Variants in SSUH2 observed in about 807,000 individuals in gnomAD.
The protein encoded by SSUH2 is protein SSUH2 homolog.
SSUH2 carries 47 observed loss-of-function variants against 55.3 expected under a neutral mutation model. That is an observed-to-expected ratio of 0.85 (90% CI 0.67 to 1.08). The LOEUF (loss-of-function observed/expected upper bound fraction) is 1.08. Ranked by LOEUF, SSUH2 falls within the 50% of genes least tolerant of loss-of-function variation. SSUH2 has a pLI of 0.00. For synonymous variants in SSUH2, 212 were observed against 191.5 expected (o/e 1.11, Z -0.89); for missense variants, 535 against 490.7 (o/e 1.09, Z -0.85).
upstream of SSUH2, among the ~76,000 whole-genome samples, chr3:8,648,460 G>A (rs906129465): frequency 1.8e-4 from 28 of 152,144 alleles, no homozygotes; most frequent in African/African-American, 6.5e-4. Flanking sequence ...TACGATGCCC[G>A]CAGGCCAGAG....
intron 7 of SSUH2, among the ~76,000 whole-genome samples, chr3:8,651,286 G>A (rs185250825): frequency 2.8e-4 from 43 of 152,270 alleles, no homozygotes; most frequent in African/African-American, 9.1e-4. Flanking sequence ...TGCATCTCTC[G>A]GCTATCTCAG....
intron 7 of SSUH2, among the ~76,000 whole-genome samples, chr3:8,650,955 C>T (rs1197720209): frequency 6.6e-6 from 1 of 152,202 alleles, no homozygotes; most frequent in Non-Finnish European, 1.5e-5. Flanking sequence ...TCCTGGCAGG[C>T]AAGGAGAACA....
At chr3:8,625,460 C>CA (rs1185872475) in intron 10 of SSUH2, 82 bp downstream of exon 10, 1 of 822,906 alleles carries the variant, frequency 1.2e-6, no homozygotes, top group African/African-American at 1.7e-5. Flanking sequence ...ATGCAGCCTG[C>CA]ACACACAGCT....
chr3:8,674,577 G>C (rs1400095477), intron 3 of SSUH2, among the ~76,000 whole-genome samples: 3 of 152,142 alleles, frequency 2.0e-5, no homozygotes, highest in African/African-American at 7.2e-5. Context: ...AGCCATGGGG[G>C]TTTCAGCAAA....
intron 3 of SSUH2, among the ~76,000 whole-genome samples, chr3:8,634,852 C>T (rs1278343196): frequency 6.6e-6 from 1 of 152,186 alleles, no homozygotes; most frequent in South Asian, 2.1e-4. Context: ...GGATATGGGC[C>T]TTTCCGCGGA....
intron 6 of SSUH2, among the ~76,000 whole-genome samples, chr3:8,661,392 C>T (rs563320440): frequency 6.6e-6 from 1 of 152,324 alleles, no homozygotes; most frequent in Non-Finnish European, 1.5e-5. Context: ...TCCCTCTACA[C>T]CCATTAGTCT....
intron 6 of SSUH2, among the ~76,000 whole-genome samples, chr3:8,661,056 C>A (rs953310623): frequency 1.3e-5 from 2 of 152,254 alleles, no homozygotes; most frequent in African/African-American, 4.8e-5. Context: ...GCTGGCCATG[C>A]ATTTCTGGCT....
intron 1 of SSUH2, among the ~76,000 whole-genome samples, chr3:8,681,626 T>A (rs1705959236): frequency 7.0e-6 from 1 of 143,814 alleles, no homozygotes; most frequent in African/African-American, 2.6e-5. Context: ...GGGACCCCCA[T>A]CGCAGGAGGG....
chr3:8,678,029 G>A (rs150198848), intron 2 of SSUH2, among the ~76,000 whole-genome samples: 5 of 151,940 alleles, frequency 3.3e-5, no homozygotes, highest in Middle Eastern at 6.8e-3. Flanking sequence ...CTGCGATATC[G>A]CGTGTCATAT....
intron 7 of SSUH2, among the ~76,000 whole-genome samples, chr3:8,657,095 G>T (rs767560549): frequency 6.6e-6 from 1 of 152,150 alleles, no homozygotes; most frequent in East Asian, 1.9e-4. Context: ...TGGCCAAGCT[G>T]GTCTGGAACT....
At chr3:8,624,155 C>G (rs903118) in intron 10 of SSUH2, among the ~76,000 whole-genome samples, 1 of 152,128 alleles carries the variant, frequency 6.6e-6, no homozygotes, top group African/African-American at 2.4e-5. Flanking sequence ...GCCCCCAGAT[C>G]CCCTTCTGCC....
At position 8,656,576 on chromosome 3, in the gene SSUH2, C is replaced by T. The variant is rs140630147; in HGVS notation, c.-307+2349G>A. Among the ~76,000 whole-genome samples the T allele has an allele frequency of 3.3e-3, 499 of 152,216 alleles. 1 individual carries two copies. Among genetic ancestry groups the T allele is most frequent in the Non-Finnish European group, 5.3e-3 (358 of 68,020 alleles). ...CACCATGTGCCCTAGGCTGGGGACA[C>T]GACGGGGAGCGAGGAAGACACAACC... On this transcript the variant is annotated intron_variant, in intron 7 of 18. Coordinates refer to the SSUH2 transcript ENST00000317371.
chr3:8,619,800 A>G lies in SSUH2; in HGVS notation c.*68T>C, dbSNP rs1431279829. 1.3e-6 allele frequency: 2 copies of G among 1,566,054 alleles called. No individual in the cohort carries two copies. The highest frequency in any genetic ancestry group is 1.7e-6 in the Non-Finnish European group (2 of 1,151,850). ...GTCCAATGCAGCCAACAGTGAACAC[A>G]CTCAGAGAGTGTCGGCCATCTTCCT... On this transcript the variant is annotated 3_prime_UTR_variant, in exon 12 of 12. Coordinates refer to ENST00000544814, the MANE Select transcript of SSUH2 (RefSeq NM_001256748.3).
In SSUH2 at chr3:8,635,383, T is replaced by C. The variant is rs1575152249; in HGVS notation, c.128-2A>G. The C allele has an allele frequency of 1.3e-6, 2 of 1,535,228 alleles. No homozygotes were observed. Among genetic ancestry groups the C allele is most frequent in the Non-Finnish European group, 1.7e-6 (2 of 1,146,248 alleles). ...AAGGTGGGAAGAATATCTGTCCTCC[T>C]GGAGAAGGGAAGAGTCAGGGGCTGG... On this transcript the variant is annotated splice_acceptor_variant, in intron 2 of 11. Transcript: ENST00000544814. LOFTEE classifies it high-confidence loss of function.
chr3:8,662,912 C>A (rs1220284905), intron 6 of SSUH2, among the ~76,000 whole-genome samples: 3 of 152,234 alleles, frequency 2.0e-5, no homozygotes, highest in Non-Finnish European at 4.4e-5. Flanking sequence ...ATGAATGAAG[C>A]ATTTTGGAAT....
upstream of SSUH2, among the ~76,000 whole-genome samples, chr3:8,649,648 T>G (rs116606691): frequency 6.6e-6 from 1 of 152,088 alleles, no homozygotes; most frequent in African/African-American, 2.4e-5. Flanking sequence ...GCATTCAATG[T>G]CAGCAAGTCA....
At chr3:8,665,070 A>G (rs1703867719) in intron 5 of SSUH2, among the ~76,000 whole-genome samples, 1 of 152,178 alleles carries the variant, frequency 6.6e-6, no homozygotes, top group South Asian at 2.1e-4. Context: ...TTTCTGCTTC[A>G]TGTTTAACTG....
chr3:8,637,341 G>A (rs747161295), intron 1 of SSUH2, among the ~76,000 whole-genome samples: 8 of 152,110 alleles, frequency 5.3e-5, no homozygotes, highest in Non-Finnish European at 7.4e-5. Flanking sequence ...CTAGCCTGTC[G>A]GGTGTGACAT....
At chr3:8,676,322 G>C (rs139154272) in intron 3 of SSUH2, among the ~76,000 whole-genome samples, 1 of 151,930 alleles carries the variant, frequency 6.6e-6, no homozygotes, top group Non-Finnish European at 1.5e-5. Context: ...CTGCGATATC[G>C]CGTGTCATAT....
Sources: gnomAD v4.1 joint callset for allele counts (sites outside exome capture counted in the v4.1 genomes callset) on GRCh38, gnomAD v4.1.1 for gene constraint, MANE v1.5 for transcripts, NCBI Gene and HGNC (gene_info 2026-07-23, HGNC 2026-07-21) for gene names.